Variants in CCDC28A observed in about 807,000 individuals in gnomAD.
CCDC28A encodes coiled-coil domain-containing protein 28A.
CCDC28A carries 24 observed loss-of-function variants against 22.1 expected under a neutral mutation model. The observed-to-expected ratio is 1.09, with a 90% CI of 0.79 to 1.53. The LOEUF is 1.53. Ranked by LOEUF, CCDC28A falls within the 40% of genes most tolerant of loss-of-function variation. CCDC28A has a pLI of 0.00. For missense variants in CCDC28A, 170 were observed against 210.7 expected (o/e 0.81, Z 1.20); for synonymous variants, 83 against 74.7 (o/e 1.11, Z -0.57).
chr6:138,781,885 T>G (rs1677720125), intron 3 of CCDC28A, among the ~76,000 whole-genome samples: 1 of 152,224 alleles, frequency 6.6e-6, no homozygotes, highest in African/African-American at 2.4e-5. Flanking sequence ...TTTTGCATTC[T>G]CAAACATGTC....
intron 5 of CCDC28A, among the ~76,000 whole-genome samples, chr6:138,789,274 C>G (rs916690043): frequency 6.6e-6 from 1 of 152,128 alleles, no homozygotes; most frequent in Non-Finnish European, 1.5e-5. Flanking sequence ...AGTAAGACAT[C>G]CCCTTTGAAC....
At position 138,792,893 on chromosome 6, in the gene CCDC28A, A is replaced by C; in HGVS notation, c.*90A>C. On this transcript the variant is annotated 3_prime_UTR_variant, in exon 6 of 6. Coordinates refer to ENST00000617445, the MANE Select transcript of CCDC28A (RefSeq NM_015439.3). ...ATCCAGTAGCAGAATCATCTTCCAC[A>C]ACAAGGAATTAAAGTAATTAAAGTG... 3 of 819,586 alleles carry C rather than the reference A, an allele frequency of 3.7e-6. No individual in the cohort carries two copies. The highest frequency in any genetic ancestry group is 6.1e-6 in the Non-Finnish European group (3 of 493,852). 50.8% of individuals were successfully genotyped at this position (819,586 alleles called of 1,614,324 possible).
chr6:138,783,831 G>A (rs1775055673), intron 3 of CCDC28A, among the ~76,000 whole-genome samples: 2 of 150,596 alleles, frequency 1.3e-5, no homozygotes, highest in South Asian at 2.1e-4. Flanking sequence ...GCCTCTCAAA[G>A]TGTGTTAAGA....
Position 138,779,802 on chromosome 6 carries a change from A to G in CCDC28A, c.159-20A>G, listed in dbSNP as rs770514342. 4.4e-6 allele frequency: 7 copies of G among 1,586,844 alleles called. No individual in the cohort carries two copies. The highest frequency in any genetic ancestry group is 1.7e-4 in the Middle Eastern group (1 of 5,928). Reference sequence around the variant, plus strand: ...TAATCTAGAATAGCCTAAAAAGCCTAAATTTCATCGTCTTTACAGAGTGAT... The same window carrying G: ...TAATCTAGAATAGCCTAAAAAGCCTGAATTTCATCGTCTTTACAGAGTGAT... On this transcript the variant is annotated intron_variant, in intron 2 of 5. Transcript: ENST00000617445.
At position 138,792,821 on chromosome 6, in the gene CCDC28A, T is replaced by C. The variant is rs1268949560; in HGVS notation, c.*18T>C. 6.4e-7 allele frequency: 1 copy of C among 1,570,870 alleles called. No individual in the cohort carries two copies. Among genetic ancestry groups the C allele is most frequent in the Non-Finnish European group, 8.7e-7 (1 of 1,144,932 alleles). ...CTAGCTAAAATGAAATGTAGTTTGC[T>C]TTCTTGTGATTTGAAGAGAAGCAGC... is the stretch of plus-strand genomic sequence containing the variant. On this transcript the variant is annotated 3_prime_UTR_variant, in exon 6 of 6. Transcript: ENST00000617445.
At chr6:138,787,290 C>T (rs1457000507) in intron 4 of CCDC28A, among the ~76,000 whole-genome samples, 1 of 152,106 alleles carries the variant, frequency 6.6e-6, no homozygotes, top group African/African-American at 2.4e-5. Context: ...AAACCTCCTA[C>T]CCCTTCTACC....
chr6:138,787,980 G>C (rs1471438789), intron 4 of CCDC28A, among the ~76,000 whole-genome samples: 3 of 66,028 alleles, frequency 4.5e-5, no homozygotes, highest in Admixed American at 4.5e-4. Flanking sequence ...TTTTTTTTTC[G>C]ACACAGCATC....
At position 138,776,204 on chromosome 6, in the gene CCDC28A, C is replaced by A; in HGVS notation, c.84C>A (p.Ala28=). The change falls in exon 2 of 6, where the codon GCC becomes GCA. Residue 28 remains alanine, a synonymous_variant. Transcript: ENST00000617445. ...AGGTTGTCAATGCCAAAAAAAATGC[C>A]ATTCCAGTGAGTAAAAGCACAGGGT... is the stretch of plus-strand genomic sequence containing the variant. ...CTQVVNAKKN[A]IPVSKSTGFS... is the part of the protein sequence containing the mutation. The A allele has an allele frequency of 6.2e-7, 1 of 1,614,072 alleles. No individual in the cohort carries two copies. Among genetic ancestry groups the A allele is most frequent in the Non-Finnish European group, 8.5e-7 (1 of 1,179,956 alleles).
At chr6:138,783,498 C>A (rs544095754) in intron 3 of CCDC28A, among the ~76,000 whole-genome samples, 2 of 148,956 alleles carry the variant, frequency 1.3e-5, no homozygotes, top group Non-Finnish European at 3.0e-5. Context: ...AGTGCAGTGG[C>A]GCGATCTCTG....
chr6:138,775,641 A>AT lies in CCDC28A; in HGVS notation c.-42-434dup, dbSNP rs796909089. Among the ~76,000 whole-genome samples, 3 of 152,212 alleles carry AT rather than the reference A, an allele frequency of 2.0e-5. No individual in the cohort carries two copies. The South Asian group carries it at 6.2e-4, about 32-fold the overall frequency. ...TCTACTTGGTTCTTCTTAAGCATAC[A>AT]TTTTGGAAGAAAGACCTAAAGGCCA... is the stretch of plus-strand genomic sequence containing the variant. On this transcript the variant is annotated intron_variant, in intron 1 of 5. Coordinates refer to ENST00000617445, the MANE Select transcript of CCDC28A (RefSeq NM_015439.3).
rs1436680412 is a variant in CCDC28A at position 138,783,501 on chromosome 6, G to A, written c.323-1726G>A. ...CGCCCAGGCTGGAGTGCAGTGGCGC[G>A]ATCTCTGCTCACTGCAAGCTTCGCC... On this transcript the variant is annotated intron_variant, in intron 3 of 5. Coordinates refer to ENST00000617445, the MANE Select transcript of CCDC28A (RefSeq NM_015439.3). 6.7e-5 allele frequency among the ~76,000 whole-genome samples: 10 copies of A among 149,040 alleles called. No homozygotes were observed. In the East Asian group the frequency reaches 1.2e-3, roughly 18 times the overall value.
chr6:138,777,834 C>T (rs1265638799), intron 2 of CCDC28A, among the ~76,000 whole-genome samples: 1 of 152,122 alleles, frequency 6.6e-6, no homozygotes, highest in South Asian at 2.1e-4. Flanking sequence ...GAAAAAAATA[C>T]ATTTGTCATG....
chr6:138,782,936 A>C, intron 3 of CCDC28A, among the ~76,000 whole-genome samples: 1 of 151,976 alleles, frequency 6.6e-6, no homozygotes. Flanking sequence ...TTTAGGAAAA[A>C]CAGAAAGGTT....
chr6:138,780,988 A>G (rs1223608803), intron 3 of CCDC28A, among the ~76,000 whole-genome samples: 1 of 152,180 alleles, frequency 6.6e-6, no homozygotes, highest in Non-Finnish European at 1.5e-5. Context: ...AAATGTCCAC[A>G]TACATATTGA....
chr6:138,789,433 A>T (rs146622720), intron 5 of CCDC28A, among the ~76,000 whole-genome samples: 3,145 of 152,310 alleles, frequency 0.021, 95 homozygotes, highest in African/African-American at 0.067. Context: ...GATGATGCGT[A>T]TGTGAAAATT....
intron 5 of CCDC28A, among the ~76,000 whole-genome samples, chr6:138,792,548 A>G (rs566031413): frequency 3.2e-5 from 3 of 94,558 alleles, no homozygotes; most frequent in African/African-American, 1.6e-4. Context: ...AAAAGTCTTC[A>G]AATTCTAGAC....
At chr6:138,787,012 G>A (rs7746731) in intron 4 of CCDC28A, among the ~76,000 whole-genome samples, 90,667 of 152,034 alleles carry the variant, frequency 0.6, 28,204 homozygotes, top group East Asian at 0.89. Flanking sequence ...TGAAAAGAAC[G>A]CCGAATTTGA....
intron 2 of CCDC28A, among the ~76,000 whole-genome samples, chr6:138,779,568 A>G (rs763747534): frequency 2.6e-5 from 4 of 152,208 alleles, no homozygotes; most frequent in Non-Finnish European, 5.9e-5. Flanking sequence ...CTGCAGTCCA[A>G]AGAATTAGCA....
At chr6:138,774,782 T>C (rs375838692) in intron 1 of CCDC28A, among the ~76,000 whole-genome samples, 16 of 152,342 alleles carry the variant, frequency 1.1e-4, no homozygotes, top group African/African-American at 3.4e-4. Flanking sequence ...ATGCCTAAAT[T>C]AAACACAGCA....
Sources: allele counts gnomAD v4.1 joint callset (sites outside exome capture counted in the v4.1 genomes callset), GRCh38; gene constraint gnomAD v4.1.1; transcripts MANE v1.5; gene names NCBI Gene and HGNC (gene_info 2026-07-23, HGNC 2026-07-21).